EIF2AK4: variants seen among roughly 807,000 people sequenced by gnomAD.
The protein encoded by EIF2AK4 is eukaryotic translation initiation factor 2 alpha kinase 4.
Under a neutral mutation model 211.1 loss-of-function variants are expected in EIF2AK4, and 139 were observed. The observed-to-expected ratio is 0.66, with a 90% CI of 0.57 to 0.76. The LOEUF (loss-of-function observed/expected upper bound fraction) is 0.76. EIF2AK4 is among the 30% of genes least tolerant of loss of function. EIF2AK4 has a pLI of 0.00. For synonymous variants in EIF2AK4, 710 were observed against 751.3 expected, an observed-to-expected ratio of 0.94 and a Z score of 0.90; for missense variants, 1,664 against 2,043.8, an observed-to-expected ratio of 0.81 and a Z score of 3.58.
chr15:39,938,868 T>A (rs1050970976), intron 1 of EIF2AK4, among the ~76,000 whole-genome samples: 6 of 152,264 alleles, frequency 3.9e-5, no homozygotes, highest in Non-Finnish European at 8.8e-5. Context: ...ATACATATAA[T>A]ATGAACTACT....
At chr15:39,942,715 G>T (rs480095) in intron 2 of EIF2AK4, among the ~76,000 whole-genome samples, 62,753 of 152,032 alleles carry the variant, frequency 0.41, 15,338 homozygotes, top group East Asian at 0.85. Flanking sequence ...CTAGGCAGAG[G>T]TGCAGAGAGT....
chr15:39,985,882 C>T lies in EIF2AK4; in HGVS notation c.2397C>T (p.Tyr799=). The T allele has an allele frequency of 1.2e-6, 2 of 1,613,878 alleles. No homozygotes were observed. Among genetic ancestry groups the T allele is most frequent in the Non-Finnish European group, 1.7e-6 (2 of 1,179,890 alleles). ...CGACTGAGGCTGTGCACTACCTATACATCCAGGTGAGGTCGTGGTGTGTAG... is the reference window on the plus strand; with the variant it reads ...CGACTGAGGCTGTGCACTACCTATATATCCAGGTGAGGTCGTGGTGTGTAG... ...SVTTEAVHYL[Y]IQMEYCEKST... The change falls in exon 14 of 39, where the codon TAC becomes TAT. Residue 799 remains tyrosine, a synonymous_variant. Coordinates refer to ENST00000263791, the MANE Select transcript of EIF2AK4 (RefSeq NM_001013703.4).
intron 13 of EIF2AK4, among the ~76,000 whole-genome samples, chr15:39,978,799 T>A (rs1275451078): frequency 1.3e-5 from 2 of 152,302 alleles, no homozygotes; most frequent in African/African-American, 4.8e-5. Context: ...AAATACATCA[T>A]CTGTTGACAA....
chr15:39,961,344 T>G (rs763345778), intron 6 of EIF2AK4, among the ~76,000 whole-genome samples: 7 of 152,242 alleles, frequency 4.6e-5, no homozygotes, highest in Non-Finnish European at 1.0e-4. Context: ...CCTGTGGAAT[T>G]GATCTAAATC....
At chr15:39,973,078 A>G (rs1418332251) in intron 10 of EIF2AK4, 64 bp downstream of exon 10, 9 of 1,395,240 alleles carry the variant, frequency 6.5e-6, no homozygotes, top group Admixed American at 1.7e-5. Flanking sequence ...GAAAGTATAC[A>G]TAAACCAAAA....
intron 13 of EIF2AK4, among the ~76,000 whole-genome samples, chr15:39,980,730 C>T (rs2034770550): frequency 6.6e-6 from 1 of 152,122 alleles, no homozygotes; most frequent in African/African-American, 2.4e-5. Flanking sequence ...CATCTGTCAC[C>T]CATGCTGGAG....
In EIF2AK4 at chr15:39,955,676, A is replaced by G; in HGVS notation, c.651A>G (p.Pro217=). ...SNQDHTSKKD[P]GGHRTAAILH... ...AAGATCATACCTCTAAGAAGGACCC[A>G]GGAGGACACAGAACGGCTGCCATTC... Residue 217 remains proline, a synonymous_variant, in exon 6 of 39, where the codon CCA becomes CCG. Transcript: ENST00000263791. 1 of 1,613,286 alleles carries G rather than the reference A, an allele frequency of 6.2e-7. No individual in the cohort carries two copies. Among genetic ancestry groups the G allele is most frequent in the Non-Finnish European group, 8.5e-7 (1 of 1,179,808 alleles).
intron 18 of EIF2AK4, among the ~76,000 whole-genome samples, chr15:39,993,127 TCCAC>T: frequency 7.3e-6 from 1 of 137,886 alleles, no homozygotes; most frequent in Non-Finnish European, 1.6e-5. Flanking sequence ...CACCCATCCA[TCCAC>T]CCACCCATCC....
intron 9 of EIF2AK4, among the ~76,000 whole-genome samples, chr15:39,971,193 T>C (rs1485900034): frequency 6.6e-6 from 1 of 152,202 alleles, no homozygotes; most frequent in Non-Finnish European, 1.5e-5. Context: ...AAGACCTGCC[T>C]GGGCAACATA....
At chr15:40,032,401 G>T (rs924823181) in intron 36 of EIF2AK4, among the ~76,000 whole-genome samples, 164 bp downstream of exon 36, 1 of 152,320 alleles carries the variant, frequency 6.6e-6, no homozygotes, top group African/African-American at 2.4e-5. Context: ...ACTAGGGGGA[G>T]AATTTAAGGT....
chr15:39,972,235 T>C (rs2034634899), intron 9 of EIF2AK4, among the ~76,000 whole-genome samples: 2 of 151,608 alleles, frequency 1.3e-5, no homozygotes, highest in Admixed American at 6.6e-5. Flanking sequence ...GGTGCCTGCC[T>C]GTAGTCCCAG....
At chr15:39,969,967 A>G (rs567687552) in intron 9 of EIF2AK4, among the ~76,000 whole-genome samples, 1 of 152,250 alleles carries the variant, frequency 6.6e-6, no homozygotes, top group African/African-American at 2.4e-5. Context: ...TCTATGTCCT[A>G]CTGGCTGAGT....
chr15:39,940,499 A>G (rs2034129897), intron 2 of EIF2AK4, among the ~76,000 whole-genome samples: 1 of 152,234 alleles, frequency 6.6e-6, no homozygotes, highest in South Asian at 2.1e-4. Context: ...GAAAAGACAG[A>G]TAAGTCAAAA....
At chr15:39,969,521 C>T (rs893746473) in intron 9 of EIF2AK4, among the ~76,000 whole-genome samples, 6 of 151,996 alleles carry the variant, frequency 3.9e-5, no homozygotes, top group African/African-American at 7.2e-5. Flanking sequence ...CTACTACACC[C>T]GGCTAATGTT....
chr15:39,973,930 G>A, intron 11 of EIF2AK4, 181 bp downstream of exon 11: 3 of 564,912 alleles, frequency 5.3e-6, no homozygotes, highest in Non-Finnish European at 8.8e-6. Flanking sequence ...GCTGGACACA[G>A]TTGAGAATTG....
intron 6 of EIF2AK4, among the ~76,000 whole-genome samples, chr15:39,956,838 G>A (rs747238418): frequency 5.3e-5 from 8 of 152,060 alleles, no homozygotes; most frequent in Non-Finnish European, 1.0e-4. Flanking sequence ...AACATTTTAG[G>A]CACCAAACTG....
chr15:39,986,847 CTCTA>C (rs1172735395), intron 14 of EIF2AK4, among the ~76,000 whole-genome samples: 1 of 151,830 alleles, frequency 6.6e-6, no homozygotes, highest in African/African-American at 2.4e-5. Flanking sequence ...AAGAGTGAAA[CTCTA>C]TCTAAAAAAC....
chr15:40,025,703 C>A (rs1020557816), intron 32 of EIF2AK4, among the ~76,000 whole-genome samples: 1 of 152,186 alleles, frequency 6.6e-6, no homozygotes, highest in African/African-American at 2.4e-5. Flanking sequence ...GGTTTCTCAA[C>A]AGCAGCGCTG....
intron 32 of EIF2AK4, among the ~76,000 whole-genome samples, chr15:40,024,411 T>TC (rs2035436878): frequency 7.5e-6 from 1 of 134,216 alleles, no homozygotes; most frequent in African/African-American, 3.4e-5. Flanking sequence ...TCCTTTTTTT[T>TC]TTTTTTTTTT....
Sources: allele counts gnomAD v4.1 joint callset (sites outside exome capture counted in the v4.1 genomes callset), GRCh38; gene constraint gnomAD v4.1.1; transcripts MANE v1.5; gene names NCBI Gene and HGNC (gene_info 2026-07-23, HGNC 2026-07-21).